The following PACS1 variants were observed in gnomAD, a reference collection of about 807,000 sequenced individuals.
PACS1 encodes PACS-1.
A neutral mutation model predicts 115.0 loss-of-function variants in PACS1; 24 were observed. The ratio of observed to expected loss-of-function variants is 0.21; its 90% confidence interval spans 0.15 to 0.29. The LOEUF (loss-of-function observed/expected upper bound fraction) is 0.29, where lower values mean the gene tolerates loss of function less well. Ranked by LOEUF, PACS1 falls within the 10% of genes least tolerant of loss-of-function variation. The pLI, the probability that PACS1 is intolerant of heterozygous loss-of-function variation, is 1.00. For missense variants in PACS1, 838 were observed against 1,251.2 expected, an observed-to-expected ratio of 0.67 and a Z score of 4.98; for synonymous variants, 453 against 504.5, an observed-to-expected ratio of 0.90 and a Z score of 1.37.
rs758214388 is a variant in PACS1 at position 66,220,704 on chromosome 11, A to G, written c.1112A>G (p.Asp371Gly). 6.2e-6 allele frequency: 10 copies of G among 1,614,164 alleles called. No homozygotes were observed. Among genetic ancestry groups the G allele is most frequent in the Non-Finnish European group, 7.6e-6 (9 of 1,180,016 alleles). Residue 371 changes from aspartate to glycine, a missense_variant, in exon 9 of 24, where the codon GAC becomes GGC. Asp to Gly is a moderately conservative substitution (Grantham distance 94). Coordinates refer to ENST00000320580, the MANE Select transcript of PACS1 (RefSeq NM_018026.4). ...EVEEDLDELY[D>G]SLEMYNPSDS... ...GAAGAGGACTTGGATGAATTGTATG[A>G]CAGTCTGGAGATGTACAACCCCAGC...
At chr11:66,124,858 A>G (rs545950544) in intron 1 of PACS1, among the ~76,000 whole-genome samples, 24 of 152,334 alleles carry the variant, frequency 1.6e-4, no homozygotes, top group African/African-American at 5.3e-4. Flanking sequence ...CAGCCTGGCA[A>G]AGGCATCAAG....
intron 1 of PACS1, among the ~76,000 whole-genome samples, chr11:66,142,749 CT>C (rs1859025932): frequency 6.6e-6 from 1 of 151,634 alleles, no homozygotes; most frequent in East Asian, 1.9e-4. Flanking sequence ...TGGGCAATGT[CT>C]CTACTAAGAG....
intron 1 of PACS1, among the ~76,000 whole-genome samples, chr11:66,105,018 A>G (rs921175373): frequency 6.6e-6 from 1 of 152,162 alleles, no homozygotes; most frequent in Non-Finnish European, 1.5e-5. Flanking sequence ...GGGAACAAGG[A>G]TGATATATTT....
chr11:66,181,272 C>T (rs1035252195), intron 1 of PACS1, among the ~76,000 whole-genome samples: 6 of 150,702 alleles, frequency 4.0e-5, no homozygotes, highest in Admixed American at 2.0e-4. Flanking sequence ...AGTGCAGTGT[C>T]GGGATCTCAG....
intron 1 of PACS1, among the ~76,000 whole-genome samples, chr11:66,096,502 A>ATTT (rs200631152): frequency 2.2e-5 from 3 of 136,894 alleles, no homozygotes; most frequent in Non-Finnish European, 3.2e-5. Context: ...GTTGCTATGA[A>ATTT]TTTTTTTTTT....
Position 66,230,877 on chromosome 11 carries a change from C to G in PACS1, c.1563C>G (p.Pro521=). The change falls in exon 13 of 24, where the codon CCC becomes CCG. Residue 521 remains proline (P), a synonymous_variant. Coordinates refer to ENST00000320580, the MANE Select transcript of PACS1 (RefSeq NM_018026.4). The stretch of plus-strand genomic sequence containing the variant: ...TGAAGGAGCGGCAGCTCTCCAAGCC[C>G]CTAAGTGAGAGGACCAACAGTTCCG... ...TPLKERQLSK[P]LSERTNSSDS... 6.2e-7 allele frequency: 1 copy of G among 1,614,180 alleles called. No individual in the cohort carries two copies. The highest frequency in any genetic ancestry group is 8.5e-7 in the Non-Finnish European group (1 of 1,180,018).
At chr11:66,137,679 G>A (rs1858879026) in intron 1 of PACS1, among the ~76,000 whole-genome samples, 1 of 152,094 alleles carries the variant, frequency 6.6e-6, no homozygotes, top group African/African-American at 2.4e-5. Context: ...TTGACCAAGG[G>A]GTGACAATAA....
At chr11:66,080,000 C>G (rs1184711467) in intron 1 of PACS1, among the ~76,000 whole-genome samples, 1 of 152,240 alleles carries the variant, frequency 6.6e-6, no homozygotes, top group African/African-American at 2.4e-5. Flanking sequence ...GACCTGCTAC[C>G]TTGGAAGGCT....
At chr11:66,207,066 C>T (rs900745923) in intron 2 of PACS1, among the ~76,000 whole-genome samples, 6 of 152,196 alleles carry the variant, frequency 3.9e-5, no homozygotes, top group African/African-American at 1.4e-4. Flanking sequence ...TTTCCCTTCA[C>T]CAGTGTTATT....
At chr11:66,220,592 G>C in intron 8 of PACS1, 39 bp from the exon 9 acceptor site, 1 of 1,612,090 alleles carries the variant, frequency 6.2e-7, no homozygotes. Context: ...ATTGTTAATA[G>C]GGATGACCCT....
At position 66,238,452 on chromosome 11, in the gene PACS1, G is replaced by A. The variant is rs571271718; in HGVS notation, c.2251-352G>A. 8.0e-5 allele frequency: 39 copies of A among 486,624 alleles called. No individual in the cohort carries two copies. In the South Asian group the frequency reaches 2.0e-3, roughly 25 times the overall value. The allele number at this position is 486,624 out of a possible 1,614,324, so 30.1% of individuals were successfully genotyped here. Reference sequence around the variant, plus strand: ...TGTTTTTTGTTTGTTTGTTTCTACAGCTGGGCTGCTCCAGATTTGCAAAGA... The same window carrying A: ...TGTTTTTTGTTTGTTTGTTTCTACAACTGGGCTGCTCCAGATTTGCAAAGA... On this transcript the variant is annotated intron_variant, in intron 19 of 23. Transcript: ENST00000320580.
chr11:66,216,865 C>CTTTTTTTTTTTTTTTTTTT, intron 7 of PACS1, 90 bp downstream of exon 7: 1 of 818,116 alleles, frequency 1.2e-6, no homozygotes, highest in Non-Finnish European at 2.1e-6. Context: ...GTGGAGACTT[C>CTTTTTTTTTTTTTTTTTTT]TTAAAATCAA....
chr11:66,139,529 CCTT>C (rs1858931036), intron 1 of PACS1, among the ~76,000 whole-genome samples: 1 of 147,688 alleles, frequency 6.8e-6, no homozygotes, highest in Admixed American at 6.8e-5. Flanking sequence ...TGGTAACCAT[CCTT>C]CTACTCTTTG....
At chr11:66,130,113 A>G (rs765025784) in intron 1 of PACS1, among the ~76,000 whole-genome samples, 1 of 152,214 alleles carries the variant, frequency 6.6e-6, no homozygotes, top group African/African-American at 2.4e-5. Flanking sequence ...ATGAGGATGA[A>G]TATGATACAG....
At chr11:66,186,882 G>A (rs1301862482) in intron 1 of PACS1, among the ~76,000 whole-genome samples, 1 of 152,176 alleles carries the variant, frequency 6.6e-6, no homozygotes, top group South Asian at 2.1e-4. Flanking sequence ...TGGCCAGAGG[G>A]CTCCCTCATA....
chr11:66,202,745 ATATATAT>A (rs1565145281), intron 2 of PACS1, among the ~76,000 whole-genome samples: 753 of 30,686 alleles, frequency 0.025, 117 homozygotes, highest in African/African-American at 0.052. Context: ...AAAAAAAAAT[ATATATAT>A]ATATATATAT....
intron 1 of PACS1, among the ~76,000 whole-genome samples, chr11:66,073,423 A>C (rs1485544392): frequency 6.6e-6 from 1 of 152,216 alleles, no homozygotes; most frequent in Non-Finnish European, 1.5e-5. Context: ...TGTGGATCTA[A>C]GGTTAGGTGT....
chr11:66,132,359 A>G (rs554681936), intron 1 of PACS1, among the ~76,000 whole-genome samples: 1 of 152,254 alleles, frequency 6.6e-6, no homozygotes, highest in East Asian at 1.9e-4. Flanking sequence ...ACTGCGAGTC[A>G]ATTAAAACCC....
intron 4 of PACS1, among the ~76,000 whole-genome samples, chr11:66,212,591 C>T (rs1855101743): frequency 6.6e-6 from 1 of 151,964 alleles, no homozygotes; most frequent in Non-Finnish European, 1.5e-5. Flanking sequence ...ACTTGGTTAA[C>T]ATGGAGTCTG....
Sources: gnomAD v4.1 joint callset for allele counts (sites outside exome capture counted in the v4.1 genomes callset) on GRCh38, gnomAD v4.1.1 for gene constraint, MANE v1.5 for transcripts, NCBI Gene and HGNC (gene_info 2026-07-23, HGNC 2026-07-21) for gene names.